Variants in ELFN2 observed in about 807,000 individuals in gnomAD.
ELFN2 encodes extracellular leucine rich repeat and fibronectin type III domain containing 2.
A neutral mutation model predicts 45.5 loss-of-function variants in ELFN2; 17 were observed. The observed-to-expected ratio is 0.37, with a 90% CI of 0.26 to 0.56. ELFN2 has a LOEUF of 0.56. Ranked by LOEUF, ELFN2 falls within the 20% of genes least tolerant of loss-of-function variation. The pLI is 0.77. For missense variants in ELFN2, 922 were observed against 1,183.2 expected, an observed-to-expected ratio of 0.78 and a Z score of 3.24; for synonymous variants, 550 against 551.5, an observed-to-expected ratio of 1.00 and a Z score of 0.04.
chr22:37,419,540 T>G (rs1932793335), intron 1 of ELFN2, among the ~76,000 whole-genome samples: 1 of 151,728 alleles, frequency 6.6e-6, no homozygotes, highest in South Asian at 2.1e-4. Flanking sequence ...CCCACGCTGG[T>G]GCCAAAATGC....
chr22:37,390,444 G>A (rs1185855891), intron 2 of ELFN2, among the ~76,000 whole-genome samples: 1 of 152,176 alleles, frequency 6.6e-6, no homozygotes, highest in African/African-American at 2.4e-5. Flanking sequence ...CCAAAGGGTG[G>A]CCCAAACCTT....
chr22:37,408,428 A>T (rs1932563849), intron 2 of ELFN2, among the ~76,000 whole-genome samples: 1 of 152,224 alleles, frequency 6.6e-6, no homozygotes, highest in Non-Finnish European at 1.5e-5. Context: ...GCCTCACTGC[A>T]CGGAATTCTC....
intron 1 of ELFN2, among the ~76,000 whole-genome samples, chr22:37,350,478 CA>C (rs2145612801): frequency 6.6e-6 from 1 of 150,564 alleles, no homozygotes; most frequent in South Asian, 2.1e-4. Flanking sequence ...CACTCAGGCC[CA>C]CTACTGATCC....
chr22:37,401,114 G>A (rs961605757), intron 2 of ELFN2, among the ~76,000 whole-genome samples: 2 of 152,184 alleles, frequency 1.3e-5, no homozygotes, highest in African/African-American at 4.8e-5. Flanking sequence ...GGGCCGTGGG[G>A]CCTAGGCCAG....
chr22:37,366,328 G>A (rs1276210721), downstream of ELFN2, among the ~76,000 whole-genome samples: 5 of 152,202 alleles, frequency 3.3e-5, no homozygotes, highest in Non-Finnish European at 7.3e-5. Context: ...ACTGTTGCCG[G>A]ATCTCCACCC....
intron 1 of ELFN2, chr22:37,353,570 A>G (rs1298327396): frequency 6.6e-6 from 1 of 151,142 alleles, no homozygotes; most frequent in East Asian, 1.9e-4. Context: ...TCAATGAGAG[A>G]AACGGAGATA....
chr22:37,421,241 C>T (rs1255693369), intron 1 of ELFN2, among the ~76,000 whole-genome samples: 2 of 152,234 alleles, frequency 1.3e-5, no homozygotes, highest in Non-Finnish European at 2.9e-5. Context: ...CTCACACGGT[C>T]ACTCCATATG....
chr22:37,374,988 C>T lies in ELFN2; in HGVS notation c.547G>A (p.Ala183Thr), dbSNP rs368613551. 3.6e-5 allele frequency: 58 copies of T among 1,613,250 alleles called. No individual in the cohort carries two copies. The African/African-American group carries it at 5.9e-4, about 16-fold the overall frequency. Reference sequence around the variant, plus strand: ...CACTCACAGTTGAAGGGGTTGCCGGCCAGCTCACACACCATCAGGCTGGCG... The same window carrying T: ...CACTCACAGTTGAAGGGGTTGCCGGTCAGCTCACACACCATCAGGCTGGCG... The part of the protein sequence containing the change: ...SLASLMVCEL[A>T]GNPFNCECDL... Residue 183 changes from alanine to threonine, a missense_variant, in exon 3 of 3, where the codon GCC (alanine) becomes ACC (threonine). Ala to Thr is a moderately conservative substitution (Grantham distance 58). This residue lies in a region of ELFN2 where 358 missense variants were observed against 540.4 expected (regional missense o/e 0.66). Coordinates refer to ENST00000402918, the MANE Select transcript of ELFN2 (RefSeq NM_052906.5).
chr22:37,373,387 G>A lies in ELFN2; in HGVS notation c.2148C>T (p.Tyr716=). Residue 716 remains tyrosine (Y), a synonymous_variant, in exon 3 of 3, where the codon TAC becomes TAT. Coordinates refer to ENST00000402918, the MANE Select transcript of ELFN2 (RefSeq NM_052906.5). ...SEHRHSFPAL[Y]YEEGADSLSQ... Reference sequence around the variant, plus strand: ...TCAGGCTGTCGGCACCCTCCTCGTAGTACAGGGCGGGAAAGCTGTGCCGGT... The same window carrying A: ...TCAGGCTGTCGGCACCCTCCTCGTAATACAGGGCGGGAAAGCTGTGCCGGT... 1 of 1,608,720 alleles carries A rather than the reference G, an allele frequency of 6.2e-7. No individual in the cohort carries two copies. The highest frequency in any genetic ancestry group is 8.5e-7 in the Non-Finnish European group (1 of 1,178,194).
rs201784349 is a variant in ELFN2 at position 37,373,354 on chromosome 22, G to A, written c.2181C>T (p.Arg727=). Reference sequence around the variant, plus strand: ...GGGTCAGCGGCTTGAGGAAGGACACGCGCTGGCTCAGGCTGTCGGCACCCT... The same window carrying A: ...GGGTCAGCGGCTTGAGGAAGGACACACGCTGGCTCAGGCTGTCGGCACCCT... ...YEEGADSLSQ[R]VSFLKPLTRS... Residue 727 remains arginine (R), a synonymous_variant, in exon 3 of 3, where the codon CGC becomes CGT. Coordinates refer to ENST00000402918, the MANE Select transcript of ELFN2 (RefSeq NM_052906.5). 1.6e-5 allele frequency: 26 copies of A among 1,613,180 alleles called. No homozygotes were observed. Among genetic ancestry groups the A allele is most frequent in the Middle Eastern group, 1.6e-4 (1 of 6,062 alleles).
chr22:37,387,246 C>T (rs966126094), intron 2 of ELFN2, among the ~76,000 whole-genome samples: 1 of 152,164 alleles, frequency 6.6e-6, no homozygotes, highest in African/African-American at 2.4e-5. Flanking sequence ...TCAGCCTGTT[C>T]CCCGGCCTCG....
chr22:37,378,380 C>T (rs1046324504), intron 2 of ELFN2, among the ~76,000 whole-genome samples: 2 of 152,250 alleles, frequency 1.3e-5, no homozygotes, highest in Admixed American at 6.5e-5. Flanking sequence ...AAACCAGCAT[C>T]CCCACAGCCA....
chr22:37,378,601 C>T (rs1931650277), intron 2 of ELFN2, among the ~76,000 whole-genome samples: 1 of 152,256 alleles, frequency 6.6e-6, no homozygotes, highest in South Asian at 2.1e-4. Context: ...CTCTGCCCAC[C>T]TGAACCTCAA....
At chr22:37,354,552 C>A (rs1231977528) in intron 1 of ELFN2, 3 of 152,174 alleles carry the variant, frequency 2.0e-5, no homozygotes, top group Non-Finnish European at 4.4e-5. Context: ...GAAACACACA[C>A]ACACACAACC....
intron 1 of ELFN2, among the ~76,000 whole-genome samples, chr22:37,350,534 C>G (rs1387305004): frequency 6.6e-6 from 1 of 150,670 alleles, no homozygotes; most frequent in Non-Finnish European, 1.5e-5. Flanking sequence ...GCCCTATCCC[C>G]TCTTTCCCTG....
chr22:37,403,657 C>CACAGGAAAAG (rs1326358669), intron 2 of ELFN2, among the ~76,000 whole-genome samples: 4 of 152,192 alleles, frequency 2.6e-5, no homozygotes, highest in Non-Finnish European at 5.9e-5. Context: ...TCACCCCCAC[C>CACAGGAAAAG]ACAGGAAAAG....
chr22:37,424,685 G>T (rs950372505), intron 1 of ELFN2, among the ~76,000 whole-genome samples: 13 of 148,296 alleles, frequency 8.8e-5, no homozygotes, highest in Non-Finnish European at 1.5e-4. Context: ...GGCGGCGGGG[G>T]GGGGGATGGA....
At chr22:37,416,980 T>C (rs133735) in intron 2 of ELFN2, among the ~76,000 whole-genome samples, 110,012 of 151,848 alleles carry the variant, frequency 0.72, 40,890 homozygotes, top group African/African-American at 0.9. Flanking sequence ...CAGCCTCCTT[T>C]CTCTGTCTCC....
At chr22:37,397,557 G>T (rs372031260) in intron 2 of ELFN2, among the ~76,000 whole-genome samples, 1 of 152,184 alleles carries the variant, frequency 6.6e-6, no homozygotes, top group African/African-American at 2.4e-5. Context: ...GAAAGGAGGG[G>T]GAACGTGGAC....
Sources: gnomAD v4.1 joint callset for allele counts (sites outside exome capture counted in the v4.1 genomes callset) on GRCh38, gnomAD v4.1.1 for gene constraint, gnomAD v4.1.1 regional missense constraint, MANE v1.5 for transcripts, NCBI Gene and HGNC (gene_info 2026-07-23, HGNC 2026-07-21) for gene names.